Variants in RBPJ observed in about 807,000 individuals in gnomAD.
The protein encoded by RBPJ is recombining binding protein suppressor of hairless.
In RBPJ, 9 loss-of-function variants were observed where a neutral mutation model predicts 67.8. The ratio of observed to expected loss-of-function variants is 0.13; its 90% CI spans 0.08 to 0.23. RBPJ has a LOEUF of 0.23. Ranked by LOEUF, RBPJ falls within the 10% of genes least tolerant of loss-of-function variation. The pLI is 1.00. For missense variants in RBPJ, 305 were observed against 595.6 expected, an observed-to-expected ratio of 0.51 and a Z score of 5.08; for synonymous variants, 198 against 203.3, an observed-to-expected ratio of 0.97 and a Z score of 0.22.
chr4:26,126,842 A>G, the RBPJ span, among the ~76,000 whole-genome samples: 1 of 152,212 alleles, frequency 6.6e-6, no homozygotes, highest in Non-Finnish European at 1.5e-5. Context: ...AACACAGAGA[A>G]CCATATGGAC....
chr4:26,315,677 T>A (rs544018724), upstream of RBPJ, among the ~76,000 whole-genome samples: 1 of 152,120 alleles, frequency 6.6e-6, no homozygotes, highest in African/African-American at 2.4e-5. Flanking sequence ...AGGGCAGGAT[T>A]TTTTCCCCAC....
chr4:26,316,818 C>A (rs1285242122), upstream of RBPJ, among the ~76,000 whole-genome samples: 1 of 139,240 alleles, frequency 7.2e-6, no homozygotes, highest in East Asian at 2.0e-4. Flanking sequence ...ACTGGTCTAA[C>A]CCAGACGACT....
chr4:26,386,306 A>G (rs1407199495), intron 1 of RBPJ, 47 bp from the exon 2 acceptor site: 10 of 1,366,002 alleles, frequency 7.3e-6, no homozygotes, highest in Non-Finnish European at 1.0e-5. Flanking sequence ...TGTAGAGTGT[A>G]TCATAAAGCT....
chr4:26,298,792 A>G (rs999235963), intron 1 of RBPJ, among the ~76,000 whole-genome samples: 10 of 152,224 alleles, frequency 6.6e-5, no homozygotes, highest in African/African-American at 2.4e-4. Flanking sequence ...GCCAAAACTT[A>G]TGTCATCAAG....
intron 1 of RBPJ, among the ~76,000 whole-genome samples, chr4:26,224,385 A>G (rs886374681): frequency 6.6e-6 from 1 of 152,194 alleles, no homozygotes; most frequent in Non-Finnish European, 1.5e-5. Context: ...ATGCACCACC[A>G]TGCCAAACTA....
At chr4:26,134,381 G>A in the RBPJ span, among the ~76,000 whole-genome samples, 5 of 152,150 alleles carry the variant, frequency 3.3e-5, no homozygotes, top group Non-Finnish European at 5.9e-5. Context: ...TCAAGATGGC[G>A]ACAACAGAGT....
At chr4:26,259,188 C>A (rs1191534756) in intron 1 of RBPJ, among the ~76,000 whole-genome samples, 1 of 152,150 alleles carries the variant, frequency 6.6e-6, no homozygotes, top group Non-Finnish European at 1.5e-5. Flanking sequence ...GATTTCCCCT[C>A]AAAACTCTTG....
intron 1 of RBPJ, among the ~76,000 whole-genome samples, chr4:26,191,198 TATATATATATATAGAGAGAGAG>T (rs1424072023): frequency 3.5e-5 from 1 of 28,978 alleles, no homozygotes; most frequent in East Asian, 1.6e-3. Flanking sequence ...TATATATATA[TATATATATATATAGAGAGAGAG>T]AGAGAGAGAG....
At chr4:26,356,307 TG>T (rs1326727132) in intron 1 of RBPJ, among the ~76,000 whole-genome samples, 2 of 152,216 alleles carry the variant, frequency 1.3e-5, no homozygotes, top group Non-Finnish European at 2.9e-5. Flanking sequence ...TTGGGCTCTG[TG>T]TAGCTACTGC....
chr4:26,214,807 AAG>A (rs142705291), intron 1 of RBPJ, among the ~76,000 whole-genome samples: 2,335 of 107,880 alleles, frequency 0.022, 75 homozygotes, highest in African/African-American at 0.069. Context: ...AGGAAGGGAA[AAG>A]AGAGAGAGAG....
chr4:26,114,478 C>CATATAT, the RBPJ span, among the ~76,000 whole-genome samples: 65 of 123,180 alleles, frequency 5.3e-4, 5 homozygotes, highest in South Asian at 9.5e-3. Flanking sequence ...AAAGAATGTA[C>CATATAT]ATATATATAT....
chr4:26,426,501 A>G (rs895609392), intron 7 of RBPJ, among the ~76,000 whole-genome samples: 1 of 152,198 alleles, frequency 6.6e-6, no homozygotes, highest in Admixed American at 6.5e-5. Context: ...CTGATACATA[A>G]ATCTTTCCAG....
intron 1 of RBPJ, among the ~76,000 whole-genome samples, chr4:26,323,275 T>C (rs1254657893): frequency 6.6e-6 from 1 of 152,098 alleles, no homozygotes; most frequent in Non-Finnish European, 1.5e-5. Context: ...TTGAGCTCAC[T>C]GGTTCTCTGA....
At chr4:26,425,738 T>C (rs1034657055) in intron 7 of RBPJ, among the ~76,000 whole-genome samples, 1 of 152,192 alleles carries the variant, frequency 6.6e-6, no homozygotes, top group African/African-American at 2.4e-5. Context: ...TATAATTTAC[T>C]TATATTCAAG....
the RBPJ span, among the ~76,000 whole-genome samples, chr4:26,123,202 A>C: frequency 6.6e-6 from 1 of 152,202 alleles, no homozygotes; most frequent in Non-Finnish European, 1.5e-5. Context: ...CTCCCAGAAT[A>C]CAAACCTGGA....
intron 3 of RBPJ, among the ~76,000 whole-genome samples, chr4:26,412,367 G>A (rs1184340370): frequency 6.6e-6 from 1 of 152,052 alleles, no homozygotes; most frequent in Non-Finnish European, 1.5e-5. Flanking sequence ...GAGTAACTGG[G>A]ACTACAGGCG....
At chr4:26,373,915 CTTT>C (rs765161799) in intron 1 of RBPJ, among the ~76,000 whole-genome samples, 3 of 113,290 alleles carry the variant, frequency 2.6e-5, no homozygotes, top group Non-Finnish European at 5.2e-5. Context: ...TTATTTTTTA[CTTT>C]TTTTTTTTTT....
intron 5 of RBPJ, chr4:26,420,947 C>G (rs2109805770): frequency 6.7e-6 from 3 of 449,848 alleles, no homozygotes; most frequent in Non-Finnish European, 1.2e-5. Flanking sequence ...CAGGGACATT[C>G]TGGGGAAATG....
At chr4:26,258,707 A>G (rs1199508167) in intron 1 of RBPJ, among the ~76,000 whole-genome samples, 2 of 152,238 alleles carry the variant, frequency 1.3e-5, no homozygotes, top group African/African-American at 2.4e-5. Context: ...TAAAGAACTG[A>G]GGGTTTCGGG....
Sources: gnomAD v4.1 joint callset for allele counts (sites outside exome capture counted in the v4.1 genomes callset) on GRCh38, gnomAD v4.1.1 for gene constraint, MANE v1.5 for transcripts, NCBI Gene and HGNC (gene_info 2026-07-23, HGNC 2026-07-21) for gene names.